The following WWOX variants were observed in gnomAD, a reference collection of about 807,000 sequenced individuals.
The protein encoded by WWOX is WW domain containing oxidoreductase, also known as WW domain-containing oxidoreductase.
Under a neutral mutation model 46.2 loss-of-function variants are expected in WWOX, and 69 were observed. That is an observed-to-expected ratio of 1.49 (90% CI 1.23 to 1.82). The LOEUF is 1.82. Among genes scored for constraint, WWOX ranks in the 40% most tolerant of loss-of-function variants. The pLI, the probability that WWOX is intolerant of heterozygous loss-of-function variation, is 0.00. For missense variants in WWOX, 919 were observed against 542.6 expected, an observed-to-expected ratio of 1.69 and a Z score of -6.89; for synonymous variants, 359 against 202.6, an observed-to-expected ratio of 1.77 and a Z score of -6.56.
intron 8 of WWOX, among the ~76,000 whole-genome samples, chr16:78,856,079 T>G (rs1407272799): frequency 6.6e-6 from 1 of 152,118 alleles, no homozygotes; most frequent in Non-Finnish European, 1.5e-5. Flanking sequence ...AAGACAAATA[T>G]GAGTATCCAG....
chr16:78,782,397 T>G (rs1369742004), intron 8 of WWOX, among the ~76,000 whole-genome samples: 1 of 152,160 alleles, frequency 6.6e-6, no homozygotes, highest in Non-Finnish European at 1.5e-5. Flanking sequence ...TCCCACAATC[T>G]AGGAGAAAGG....
At chr16:78,262,748 T>C (rs893167152) in intron 5 of WWOX, among the ~76,000 whole-genome samples, 5 of 152,168 alleles carry the variant, frequency 3.3e-5, no homozygotes, top group African/African-American at 7.2e-5. Context: ...TGATGACAGA[T>C]AGCCCCTGGA....
chr16:78,654,335 A>G (rs530162615), intron 8 of WWOX, among the ~76,000 whole-genome samples: 29 of 152,348 alleles, frequency 1.9e-4, no homozygotes, highest in African/African-American at 6.7e-4. Flanking sequence ...TCTTACAATC[A>G]TCATCGTCAT....
chr16:78,101,143 G>A (rs2031751395), intron 1 of WWOX, among the ~76,000 whole-genome samples: 2 of 151,496 alleles, frequency 1.3e-5, no homozygotes, highest in South Asian at 4.2e-4. Flanking sequence ...CGCCTCCCGG[G>A]TTCACGCCAT....
chr16:78,317,844 G>A (rs918968183), intron 5 of WWOX, among the ~76,000 whole-genome samples: 1 of 152,130 alleles, frequency 6.6e-6, no homozygotes, highest in African/African-American at 2.4e-5. Context: ...TGGACAGTGA[G>A]ACTACTATCA....
chr16:79,113,826 C>CGAAG (rs1567558977), intron 8 of WWOX, among the ~76,000 whole-genome samples: 1 of 152,192 alleles, frequency 6.6e-6, no homozygotes, highest in African/African-American at 2.4e-5. Flanking sequence ...ACACCAGATG[C>CGAAG]GAAGAGCTAG....
At position 78,560,094 on chromosome 16, in the gene WWOX, C is replaced by G. The variant is rs571588554; in HGVS notation, c.1056+127342C>G. Among the ~76,000 whole-genome samples the G allele has an allele frequency of 2.6e-5, 4 of 152,158 alleles. No individual in the cohort carries two copies. In the South Asian group the frequency reaches 8.3e-4, roughly 32 times the overall value. ...AATTTACAAGGCCATTTTTTTCTCC[C>G]GTCTCTGCAGTTCAGGAGATTATAT... On this transcript the variant is annotated intron_variant, in intron 8 of 8. Transcript: ENST00000566780.
rs536687671 is a variant in WWOX, at chr16:78,690,601, A to G, written c.1056+257849A>G. On this transcript the variant is annotated intron_variant, in intron 8 of 8. Transcript: ENST00000566780. ...GTTTATTGAATGAAGACATGAAAGC[A>G]TTTGGTGGAAATAGGGCACACACAT... Among the ~76,000 whole-genome samples, 44 of 152,282 alleles carry G rather than the reference A, an allele frequency of 2.9e-4. 1 individual carries two copies. The highest frequency in any genetic ancestry group is 7.2e-4 in the Admixed American group (11 of 15,290).
chr16:79,150,397 G>C (rs913725693), intron 8 of WWOX, among the ~76,000 whole-genome samples: 2 of 152,186 alleles, frequency 1.3e-5, no homozygotes, highest in Non-Finnish European at 2.9e-5. Flanking sequence ...GGCAGTTTCA[G>C]ATGCTTCAAC....
intron 8 of WWOX, among the ~76,000 whole-genome samples, chr16:79,063,229 G>A (rs548967617): frequency 9.9e-5 from 15 of 152,234 alleles, no homozygotes; most frequent in Non-Finnish European, 2.2e-4. Flanking sequence ...AGGTATTTTG[G>A]ATAAAAAAGC....
chr16:78,116,283 A>C (rs1370556948), intron 4 of WWOX, among the ~76,000 whole-genome samples: 1 of 152,130 alleles, frequency 6.6e-6, no homozygotes, highest in Non-Finnish European at 1.5e-5. Context: ...AACCATCTGC[A>C]CTTCTTTCTT....
At chr16:79,061,357 G>A (rs776299366) in intron 8 of WWOX, among the ~76,000 whole-genome samples, 1 of 152,146 alleles carries the variant, frequency 6.6e-6, no homozygotes, top group Non-Finnish European at 1.5e-5. Flanking sequence ...TCCCGTCTAA[G>A]GGCTTGGCAA....
chr16:78,563,212 G>A (rs987669585), intron 8 of WWOX, among the ~76,000 whole-genome samples: 1 of 152,142 alleles, frequency 6.6e-6, no homozygotes, highest in Non-Finnish European at 1.5e-5. Context: ...TTATATTGCT[G>A]AAAATGTCAT....
Position 78,741,018 on chromosome 16 carries a change from AT to A in WWOX, c.1056+308267del, listed in dbSNP as rs144446217. On this transcript the variant is annotated intron_variant, in intron 8 of 8. Coordinates refer to ENST00000566780, the MANE Select transcript of WWOX (RefSeq NM_016373.4). Reference sequence around the variant, plus strand: ...GGTCTCCTAAGTGGGATACACCACGATGATCCACTGGGGCAGTGGCCAGCAA... The same window carrying A: ...GGTCTCCTAAGTGGGATACACCACGAGATCCACTGGGGCAGTGGCCAGCAA... 3.0e-3 allele frequency among the ~76,000 whole-genome samples: 453 copies of A among 152,304 alleles called. 2 individuals carry two copies. Among genetic ancestry groups the A allele is most frequent in the African/African-American group, 0.01 (430 of 41,568 alleles).
At position 78,164,194 on chromosome 16, in the gene WWOX, G is replaced by C. The variant is rs369907002; in HGVS notation, c.421G>C (p.Ala141Pro). 1 of 1,613,908 alleles carries C rather than the reference G, an allele frequency of 6.2e-7. No homozygotes were observed. Among genetic ancestry groups the C allele is most frequent in the Non-Finnish European group, 8.5e-7 (1 of 1,179,952 alleles). Residue 141 changes from alanine to proline, a missense_variant, in exon 5 of 9, where the codon GCC becomes CCC. Coordinates refer to ENST00000566780, the MANE Select transcript of WWOX (RefSeq NM_016373.4). ...GANSGIGFET[A>P]KSFALHGAHV... ...CCTTTAAACCATAGGGTTCGAAACC[G>C]CCAAGTCTTTTGCCCTCCATGGTGC...
chr16:78,765,621 G>T (rs2049908921), intron 8 of WWOX, among the ~76,000 whole-genome samples: 1 of 152,134 alleles, frequency 6.6e-6, no homozygotes, highest in Non-Finnish European at 1.5e-5. Context: ...AGACGTTGCA[G>T]TGAGCCGAGA....
At chr16:78,529,953 A>G (rs967684957) in intron 8 of WWOX, among the ~76,000 whole-genome samples, 2 of 152,144 alleles carry the variant, frequency 1.3e-5, no homozygotes, top group Non-Finnish European at 2.9e-5. Context: ...TGAAGCAGGA[A>G]ATTTCCCTGA....
intron 8 of WWOX, among the ~76,000 whole-genome samples, chr16:78,846,012 A>G (rs562125175): frequency 6.6e-6 from 1 of 152,300 alleles, no homozygotes; most frequent in African/African-American, 2.4e-5. Flanking sequence ...GGTAGCGTGG[A>G]TGCGGGAGGC....
intron 8 of WWOX, among the ~76,000 whole-genome samples, chr16:78,878,897 A>T (rs1005656982): frequency 1.0e-5 from 1 of 97,190 alleles, no homozygotes; most frequent in Admixed American, 1.4e-4. Flanking sequence ...CTCTACAAAA[A>T]AATGAAAAAA....
Sources: allele counts gnomAD v4.1 joint callset (sites outside exome capture counted in the v4.1 genomes callset), GRCh38; gene constraint gnomAD v4.1.1; transcripts MANE v1.5; gene names NCBI Gene and HGNC (gene_info 2026-07-23, HGNC 2026-07-21).